Variants in SIDT1 observed in about 807,000 individuals in gnomAD.
SIDT1 encodes the protein SID1 transmembrane family, member 1.
Under a neutral mutation model 107.5 loss-of-function variants are expected in SIDT1, and 101 were observed. The observed-to-expected ratio is 0.94, with a 90% CI of 0.80 to 1.11. The LOEUF (loss-of-function observed/expected upper bound fraction) is 1.11. Among genes scored for constraint, SIDT1 ranks in the 50% least tolerant of loss-of-function variants. The pLI is 0.00. For missense variants in SIDT1, 1,076 were observed against 1,058.2 expected, an observed-to-expected ratio of 1.02 and a Z score of -0.23; for synonymous variants, 395 against 398.2, an observed-to-expected ratio of 0.99 and a Z score of 0.10.
At chr3:113,561,183 T>C (rs1229474408) in intron 1 of SIDT1, among the ~76,000 whole-genome samples, 4 of 152,194 alleles carry the variant, frequency 2.6e-5, no homozygotes, top group Non-Finnish European at 5.9e-5. Flanking sequence ...GCAAATGTGA[T>C]CCAATTTTCT....
chr3:113,598,403 G>A (rs976087156), intron 10 of SIDT1, among the ~76,000 whole-genome samples: 2 of 152,040 alleles, frequency 1.3e-5, no homozygotes, highest in South Asian at 4.1e-4. Flanking sequence ...TGGCTCCCAC[G>A]AACAATTTCG....
chr3:113,615,840 C>T (rs947959470), intron 19 of SIDT1, among the ~76,000 whole-genome samples: 10 of 152,314 alleles, frequency 6.6e-5, no homozygotes, highest in African/African-American at 2.4e-4. Flanking sequence ...CACCAGCCAC[C>T]CATGTTATTT....
At chr3:113,604,368 T>C (rs552855921) in intron 13 of SIDT1, among the ~76,000 whole-genome samples, 2 of 152,146 alleles carry the variant, frequency 1.3e-5, no homozygotes, top group African/African-American at 4.8e-5. Flanking sequence ...TAAGGGACAA[T>C]GGGGCCACAT....
intron 9 of SIDT1, among the ~76,000 whole-genome samples, chr3:113,590,577 A>G (rs911820634): frequency 9.2e-5 from 14 of 152,226 alleles, no homozygotes; most frequent in African/African-American, 3.1e-4. Flanking sequence ...CTAATTCAGA[A>G]TATTTTCATC....
intron 1 of SIDT1, among the ~76,000 whole-genome samples, chr3:113,555,313 C>A (rs760063269): frequency 1.4e-4 from 22 of 152,192 alleles, no homozygotes; most frequent in Non-Finnish European, 2.4e-4. Flanking sequence ...AATATAATGG[C>A]TTGCTCATTG....
intron 1 of SIDT1, among the ~76,000 whole-genome samples, chr3:113,542,930 GTGTGTGTGTT>G (rs1356746667): frequency 2.0e-5 from 3 of 150,650 alleles, no homozygotes; most frequent in Non-Finnish European, 3.0e-5. Flanking sequence ...GTGTGTGTGT[GTGTGTGTGTT>G]TGTTTGTTTG....
chr3:113,585,144 A>C, intron 8 of SIDT1, 33 bp from the exon 9 acceptor site: 1 of 1,466,694 alleles, frequency 6.8e-7, no homozygotes, highest in Non-Finnish European at 9.6e-7. Flanking sequence ...TCTGCAGAGG[A>C]TGACCTGACC....
At chr3:113,559,664 C>T (rs929608892) in intron 1 of SIDT1, among the ~76,000 whole-genome samples, 4 of 152,088 alleles carry the variant, frequency 2.6e-5, no homozygotes, top group Non-Finnish European at 4.4e-5. Flanking sequence ...AGGCTGGTTT[C>T]GAACTCCTGA....
chr3:113,585,123 G>A lies in SIDT1; in HGVS notation c.908-54G>A. On this transcript the variant is annotated intron_variant, in intron 8 of 24. Coordinates refer to ENST00000264852, the MANE Select transcript of SIDT1 (RefSeq NM_017699.3). ...CCTTTAAGCCGTCCTGTCTCAGATG[G>A]AGTCTTCTTTTCTGCAGAGGATGAC... 4 of 1,229,812 alleles carry A rather than the reference G, an allele frequency of 3.3e-6. No individual in the cohort carries two copies. The South Asian group carries it at 3.6e-5, about 11-fold the overall frequency. The allele number at this position is 1,229,812 out of a possible 1,614,324, so 76.2% of individuals were successfully genotyped here. A position where few individuals can be genotyped will look rare whatever the true frequency, so the allele number is the denominator to read the frequency against.
chr3:113,616,711 A>G (rs1324428825), intron 20 of SIDT1, among the ~76,000 whole-genome samples: 1 of 149,918 alleles, frequency 6.7e-6, no homozygotes, highest in Non-Finnish European at 1.5e-5. Flanking sequence ...TTTTTTTGAG[A>G]CGGAGTTTTG....
Position 113,560,894 on chromosome 3 carries a change from C to A in SIDT1, c.223-5526C>A, listed in dbSNP as rs148851292. ...AAAAGAGAGTCTCTAAGCTTTAAGA[C>A]CTTTCATAACTGTGATCTATATAAT... is the stretch of plus-strand genomic sequence containing the variant. On this transcript the variant is annotated intron_variant, in intron 1 of 24. Transcript: ENST00000264852. 3.9e-3 allele frequency among the ~76,000 whole-genome samples: 597 copies of A among 152,218 alleles called. 3 individuals carry two copies. Among genetic ancestry groups the A allele is most frequent in the African/African-American group, 0.014 (562 of 41,520 alleles).
chr3:113,564,572 G>T (rs143635878), intron 1 of SIDT1, among the ~76,000 whole-genome samples: 43 of 152,266 alleles, frequency 2.8e-4, no homozygotes, highest in Admixed American at 6.5e-4. Context: ...GAGGATCTGG[G>T]TGTGAACAGT....
At chr3:113,582,782 TA>T (rs754401562) in intron 6 of SIDT1, among the ~76,000 whole-genome samples, 2 of 151,490 alleles carry the variant, frequency 1.3e-5, no homozygotes, top group Non-Finnish European at 2.9e-5. Context: ...ATGCCTGAAA[TA>T]AAAAAAATAA....
chr3:113,592,124 T>C (rs935583206), intron 9 of SIDT1, among the ~76,000 whole-genome samples: 4 of 152,228 alleles, frequency 2.6e-5, no homozygotes, highest in Admixed American at 6.5e-5. Context: ...ATTAGTGTTT[T>C]CTAGGGGATG....
chr3:113,551,336 T>C (rs1342304704), intron 1 of SIDT1, among the ~76,000 whole-genome samples: 1 of 152,168 alleles, frequency 6.6e-6, no homozygotes, highest in African/African-American at 2.4e-5. Context: ...AAGTACCTTT[T>C]AAATCTCCCA....
intron 9 of SIDT1, among the ~76,000 whole-genome samples, chr3:113,589,049 A>C (rs1284369338): frequency 1.3e-5 from 2 of 152,210 alleles, no homozygotes; most frequent in African/African-American, 4.8e-5. Flanking sequence ...TTTGTTTCCA[A>C]GACAGACAGC....
chr3:113,562,456 T>G (rs967743217), intron 1 of SIDT1, among the ~76,000 whole-genome samples: 36 of 152,170 alleles, frequency 2.4e-4, no homozygotes, highest in African/African-American at 8.2e-4. Context: ...GCTAAAAAGT[T>G]AAAACAACCC....
intron 8 of SIDT1, 79 bp downstream of exon 8, chr3:113,584,848 C>A (rs767745428): frequency 9.9e-7 from 1 of 1,007,978 alleles, no homozygotes; most frequent in Non-Finnish European, 1.5e-6. Flanking sequence ...TACTGTCATC[C>A]TTCCAGAGAG....
chr3:113,614,535 A>G (rs1229716012), intron 19 of SIDT1, among the ~76,000 whole-genome samples: 1 of 152,200 alleles, frequency 6.6e-6, no homozygotes, highest in Non-Finnish European at 1.5e-5. Context: ...GGATTCATGG[A>G]CAGTGTTCAG....
Sources: gnomAD v4.1 joint callset for allele counts (sites outside exome capture counted in the v4.1 genomes callset) on GRCh38, gnomAD v4.1.1 for gene constraint, MANE v1.5 for transcripts, NCBI Gene and HGNC (gene_info 2026-07-23, HGNC 2026-07-21) for gene names.